Variants in SPATC1L observed in about 807,000 individuals in gnomAD.
SPATC1L encodes the protein spermatogenesis and centriole associated 1 like.
A neutral mutation model predicts 21.2 loss-of-function variants in SPATC1L; 20 were observed. The ratio of observed to expected loss-of-function variants is 0.94; its 90% CI spans 0.66 to 1.37. The LOEUF (loss-of-function observed/expected upper bound fraction) is 1.37. Ranked by LOEUF, SPATC1L falls within the 40% of genes most tolerant of loss-of-function variation. The pLI, the probability that SPATC1L is intolerant of heterozygous loss-of-function variation, is 0.00. For missense variants in SPATC1L, 499 were observed against 478.7 expected, an observed-to-expected ratio of 1.04 and a Z score of -0.40; for synonymous variants, 290 against 234.5, an observed-to-expected ratio of 1.24 and a Z score of -2.16.
At chr21:46,166,175 G>A (rs568689850) in intron 3 of SPATC1L, among the ~76,000 whole-genome samples, 1 of 152,252 alleles carries the variant, frequency 6.6e-6, no homozygotes, top group East Asian at 1.9e-4. Flanking sequence ...AGACCAGCCT[G>A]GTCAATGTGG....
At chr21:46,180,707 G>C (rs1322683829) in intron 2 of SPATC1L, among the ~76,000 whole-genome samples, 1 of 152,214 alleles carries the variant, frequency 6.6e-6, no homozygotes, top group East Asian at 1.9e-4. Flanking sequence ...AGAGCATTAA[G>C]GGTGCACCAC....
intron 2 of SPATC1L, among the ~76,000 whole-genome samples, chr21:46,173,310 C>T (rs183757293): frequency 3.1e-4 from 47 of 152,238 alleles, no homozygotes; most frequent in African/African-American, 8.7e-4. Context: ...GCTTCTGTGC[C>T]AGCAGACTGT....
chr21:46,184,352 T>A lies in SPATC1L; in HGVS notation c.-959+4A>T, dbSNP rs1187809271. ...TGCTTCAATTACTTGGGAAAGTAAA[T>A]CACCTCAGTGTTGTTTCTTGGCTCC... is the stretch of plus-strand genomic sequence containing the variant. On this transcript the variant is annotated splice_donor_region_variant and intron_variant, in intron 1 of 4. Coordinates refer to ENST00000291672, the MANE Select transcript of SPATC1L (RefSeq NM_001142854.2). The A allele has an allele frequency of 3.2e-5, 5 of 154,440 alleles. No individual in the cohort carries two copies. The highest frequency in any genetic ancestry group is 4.8e-5 in the African/African-American group (2 of 41,428). The allele number at this position is 154,440 out of a possible 1,614,324, so 9.6% of individuals were successfully genotyped here. A position where few individuals can be genotyped will look rare whatever the true frequency, so the allele number is the denominator to read the frequency against.
intron 3 of SPATC1L, among the ~76,000 whole-genome samples, chr21:46,167,199 G>A (rs1354864199): frequency 6.6e-6 from 1 of 152,066 alleles, no homozygotes. Context: ...AATTAAGAAG[G>A]AAATTTTAAA....
In SPATC1L at chr21:46,184,389, T is replaced by TTA. The variant is rs1259849885; in HGVS notation, c.-993_-992insTA. On this transcript the variant is annotated 5_prime_UTR_variant, in exon 1 of 5. Transcript: ENST00000291672. ...TGTTTCTTGGCTCCGAGGGTCTTGT[T>TTA]TTATCAGCAGCCGGGATGCAACAGA... 6.3e-6 allele frequency: 1 copy of TTA among 158,330 alleles called. No homozygotes were observed. The highest frequency in any genetic ancestry group is 1.4e-5 in the Non-Finnish European group (1 of 71,162). The allele number at this position is 158,330 out of a possible 1,614,324, so 9.8% of individuals were successfully genotyped here.
chr21:46,167,758 G>A (rs1327592980), intron 3 of SPATC1L, among the ~76,000 whole-genome samples: 5 of 152,114 alleles, frequency 3.3e-5, no homozygotes, highest in Non-Finnish European at 5.9e-5. Context: ...AGCCTCAGGT[G>A]GATATCTACA....
intron 4 of SPATC1L, 36 bp from the exon 5 acceptor site, chr21:46,161,741 C>T (rs3827274): frequency 0.31 from 467,207 of 1,510,864 alleles, 75,296 homozygotes; most frequent in Admixed American, 0.52. Flanking sequence ...GTGGGGGGCT[C>T]GGGGCCCTCG....
chr21:46,167,754 A>C (rs1294315451), intron 3 of SPATC1L, among the ~76,000 whole-genome samples: 1 of 152,208 alleles, frequency 6.6e-6, no homozygotes, highest in Non-Finnish European at 1.5e-5. Flanking sequence ...CCTGAGCCTC[A>C]GGTGGATATC....
intron 3 of SPATC1L, among the ~76,000 whole-genome samples, chr21:46,164,059 G>A (rs2079522289): frequency 2.0e-5 from 3 of 152,188 alleles, no homozygotes; most frequent in Admixed American, 2.0e-4. Context: ...CCAAGCTGGA[G>A]TGCAGTGGCA....
chr21:46,163,365 T>C (rs1292348639), intron 3 of SPATC1L, among the ~76,000 whole-genome samples: 1 of 152,236 alleles, frequency 6.6e-6, no homozygotes, highest in African/African-American at 2.4e-5. Flanking sequence ...GTCCAATTTG[T>C]CTGTTTCTCT....
chr21:46,161,257 T>C lies in SPATC1L; in HGVS notation c.*122A>G. On this transcript the variant is annotated 3_prime_UTR_variant, in exon 5 of 5. Transcript: ENST00000291672. ...CCCAGCACCGGTGGGAGCGGGGCCT[T>C]CTCTGGCCTCGCGCGCGGGGGACGC... The C allele has an allele frequency of 1.0e-6, 1 of 978,228 alleles. No individual in the cohort carries two copies. Among genetic ancestry groups the C allele is most frequent in the Non-Finnish European group, 1.4e-6 (1 of 707,784 alleles). 60.6% of individuals were successfully genotyped at this position (978,228 alleles called of 1,614,324 possible).
At chr21:46,168,695 A>C in intron 2 of SPATC1L, 37 bp from the exon 3 acceptor site, 1 of 1,305,860 alleles carries the variant, frequency 7.7e-7, no homozygotes, top group African/African-American at 1.5e-5. Context: ...AATCAGGCTG[A>C]TGCTCCTAAA....
At chr21:46,169,664 GCCC>G in intron 2 of SPATC1L, among the ~76,000 whole-genome samples, 1 of 21,992 alleles carries the variant, frequency 4.5e-5, no homozygotes. Context: ...ATGGGGAGGA[GCCC>G]CCTGCTCTGT....
At chr21:46,177,686 A>G (rs1412390009) in intron 2 of SPATC1L, among the ~76,000 whole-genome samples, 1 of 152,228 alleles carries the variant, frequency 6.6e-6, no homozygotes, top group African/African-American at 2.4e-5. Flanking sequence ...ATTGTGGAAG[A>G]CAGTGTGGCG....
chr21:46,167,748 A>G (rs75666188), intron 3 of SPATC1L, among the ~76,000 whole-genome samples: 2,773 of 152,326 alleles, frequency 0.018, 42 homozygotes, highest in Non-Finnish European at 0.032. Flanking sequence ...GGCTGGCCTG[A>G]GCCTCAGGTG....
Position 46,168,303 on chromosome 21 carries a change from C to T in SPATC1L, c.544+5G>A. 6.4e-7 allele frequency: 1 copy of T among 1,564,934 alleles called. No individual in the cohort carries two copies. The highest frequency in any genetic ancestry group is 8.7e-7 in the Non-Finnish European group (1 of 1,146,006). ...CCCCCCAGGTGCCCCCGCACCCGGC[C>T]ATACCATTGAGGTAGTAGCTCCTCC... On this transcript the variant is annotated splice_donor_5th_base_variant and intron_variant, in intron 3 of 4. Coordinates refer to ENST00000291672, the MANE Select transcript of SPATC1L (RefSeq NM_001142854.2).
chr21:46,164,190 G>C (rs12329859), intron 3 of SPATC1L, among the ~76,000 whole-genome samples: 16,015 of 151,920 alleles, frequency 0.11, 1,470 homozygotes, highest in African/African-American at 0.25. Flanking sequence ...GTGGTGGGGG[G>C]TTGGTAGAGA....
Position 46,183,068 on chromosome 21 carries a change from T to A in SPATC1L, c.-252A>T. 2.1e-6 allele frequency: 1 copy of A among 484,566 alleles called. No homozygotes were observed. The allele number at this position is 484,566 out of a possible 1,614,324, so 30.0% of individuals were successfully genotyped here. The stretch of plus-strand genomic sequence containing the variant: ...TGCACAGGCAGCCACTCCCACATTA[T>A]GACCAGGGCCCGAGAATGCCAAGGA... On this transcript the variant is annotated 5_prime_UTR_variant, in exon 2 of 5. Transcript: ENST00000291672.
At chr21:46,172,188 G>A (rs1158567394) in intron 2 of SPATC1L, among the ~76,000 whole-genome samples, 11 of 151,138 alleles carry the variant, frequency 7.3e-5, no homozygotes, top group East Asian at 5.9e-4. Context: ...AGCGTGAGGC[G>A]GAGGATGCAC....
Sources: allele counts gnomAD v4.1 joint callset (sites outside exome capture counted in the v4.1 genomes callset), GRCh38; gene constraint gnomAD v4.1.1; transcripts MANE v1.5; gene names NCBI Gene and HGNC (gene_info 2026-07-23, HGNC 2026-07-21).